Variants in C18orf63 observed in about 807,000 individuals in gnomAD.
C18orf63 encodes the protein uncharacterized protein C18orf63.
In C18orf63, 50 loss-of-function variants were observed where a neutral mutation model predicts 75.3. The ratio of observed to expected loss-of-function variants is 0.66; its 90% CI spans 0.53 to 0.84. The LOEUF is 0.84. Ranked by LOEUF, C18orf63 falls within the 40% of genes least tolerant of loss-of-function variation. C18orf63 has a pLI of 0.00. For synonymous variants in C18orf63, 232 were observed against 267.6 expected, an observed-to-expected ratio of 0.87 and a Z score of 1.30; for missense variants, 732 against 800.2, an observed-to-expected ratio of 0.91 and a Z score of 1.03.
chr18:74,317,197 T>A (rs1318335988), intron 1 of C18orf63, among the ~76,000 whole-genome samples: 1 of 152,256 alleles, frequency 6.6e-6, no homozygotes, highest in African/African-American at 2.4e-5. Flanking sequence ...CATGTTAGTG[T>A]ACTGAAGCTT....
chr18:74,338,602 C>A lies in C18orf63; in HGVS notation c.502-113C>A, dbSNP rs1366587834. On this transcript the variant is annotated intron_variant, in intron 7 of 13. Coordinates refer to ENST00000579455, the MANE Select transcript of C18orf63 (RefSeq NM_001174123.2). Reference sequence around the variant, plus strand: ...ATGCATGATTCAATGTAACTTAAGTCTTTAAATCTACTTTATAACCTACTG... The same window carrying A: ...ATGCATGATTCAATGTAACTTAAGTATTTAAATCTACTTTATAACCTACTG... 3 of 437,296 alleles carry A rather than the reference C, an allele frequency of 6.9e-6. No individual in the cohort carries two copies. The South Asian group carries it at 2.4e-4, about 35-fold the overall frequency. 27.1% of individuals were successfully genotyped at this position (437,296 alleles called of 1,614,324 possible).
chr18:74,350,761 T>G (rs1464559657), intron 11 of C18orf63, among the ~76,000 whole-genome samples: 1 of 152,198 alleles, frequency 6.6e-6, no homozygotes, highest in Non-Finnish European at 1.5e-5. Flanking sequence ...GTCATGAAAC[T>G]TAGCTGGGTT....
At chr18:74,345,590 A>G (rs1343598866) in intron 11 of C18orf63, among the ~76,000 whole-genome samples, 3 of 152,052 alleles carry the variant, frequency 2.0e-5, no homozygotes, top group Non-Finnish European at 4.4e-5. Context: ...TTTAATATGG[A>G]TATCCATATG....
intron 8 of C18orf63, among the ~76,000 whole-genome samples, chr18:74,341,147 C>T (rs1203140603): frequency 6.6e-6 from 1 of 151,202 alleles, no homozygotes. Flanking sequence ...GCCTGTAGTC[C>T]CAGCTACTTG....
At position 74,354,021 on chromosome 18, in the gene C18orf63, A is replaced by G; in HGVS notation, c.1754A>G (p.His585Arg). 1.3e-6 allele frequency: 2 copies of G among 1,536,474 alleles called. No homozygotes were observed. The highest frequency in any genetic ancestry group is 1.7e-6 in the Non-Finnish European group (2 of 1,146,944). ...KGITQILGKSHGSLKLKRQPH... is the reference protein window; with the variant it reads ...KGITQILGKSRGSLKLKRQPH... ...ATAACACAAATTTTAGGGAAAAGCC[A>G]TGGGTCACTAAAACTGAAAAGACAG... The change falls in exon 12 of 14, where the codon CAT (histidine) becomes CGT (arginine). Residue 585 changes from histidine to arginine, a missense_variant. Transcript: ENST00000579455.
intron 8 of C18orf63, among the ~76,000 whole-genome samples, chr18:74,340,369 G>T (rs1984460771): frequency 6.6e-6 from 1 of 152,136 alleles, no homozygotes; most frequent in Admixed American, 6.6e-5. Flanking sequence ...TACTGGCAAG[G>T]ATGTGGGGAA....
chr18:74,348,645 A>G (rs992450334), intron 11 of C18orf63, among the ~76,000 whole-genome samples: 1 of 118,168 alleles, frequency 8.5e-6, no homozygotes, highest in African/African-American at 2.6e-5. Context: ...GCATTTGCCA[A>G]TGACACTTGG....
chr18:74,317,353 A>G (rs1158225292), intron 1 of C18orf63, among the ~76,000 whole-genome samples: 1 of 152,234 alleles, frequency 6.6e-6, no homozygotes, highest in Non-Finnish European at 1.5e-5. Context: ...GGAAACAAAA[A>G]CTAGGTAACA....
intron 8 of C18orf63, among the ~76,000 whole-genome samples, chr18:74,339,509 T>C (rs1259873394): frequency 6.6e-6 from 1 of 152,142 alleles, no homozygotes. Flanking sequence ...ATAAAGGCCA[T>C]ATATGACAAA....
chr18:74,320,624 A>G (rs1285259981), intron 3 of C18orf63, 33 bp downstream of exon 3: 3 of 1,259,590 alleles, frequency 2.4e-6, no homozygotes, highest in Admixed American at 2.0e-5. Context: ...AAATGTTATT[A>G]CTAGTTGAGA....
chr18:74,331,409 T>C (rs2145120630), intron 7 of C18orf63, among the ~76,000 whole-genome samples: 1 of 152,354 alleles, frequency 6.6e-6, no homozygotes, highest in Admixed American at 6.5e-5. Flanking sequence ...ATTTTGTGGA[T>C]TCCCATAGCA....
At chr18:74,344,409 A>G (rs1984538138) in intron 11 of C18orf63, among the ~76,000 whole-genome samples, 1 of 148,416 alleles carries the variant, frequency 6.7e-6, no homozygotes, top group Non-Finnish European at 1.5e-5. Context: ...GTGACATATG[A>G]CACACATATA....
chr18:74,334,025 C>T (rs1984352582), intron 7 of C18orf63, among the ~76,000 whole-genome samples: 1 of 152,076 alleles, frequency 6.6e-6, no homozygotes, highest in African/African-American at 2.4e-5. Flanking sequence ...CCTATGTTCC[C>T]ACTAAATTGT....
At chr18:74,327,558 C>A (rs997720195) in intron 4 of C18orf63, among the ~76,000 whole-genome samples, 1 of 152,174 alleles carries the variant, frequency 6.6e-6, no homozygotes, top group African/African-American at 2.4e-5. Flanking sequence ...AGCAGCCCAA[C>A]GTTCAGTTTG....
intron 3 of C18orf63, among the ~76,000 whole-genome samples, chr18:74,321,016 C>G (rs1292322209): frequency 6.6e-6 from 1 of 152,092 alleles, no homozygotes; most frequent in African/African-American, 2.4e-5. Context: ...TATTTTTACA[C>G]TTAAAATTTT....
At chr18:74,330,411 A>T (rs1984285066) in intron 6 of C18orf63, among the ~76,000 whole-genome samples, 1 of 152,164 alleles carries the variant, frequency 6.6e-6, no homozygotes, top group Non-Finnish European at 1.5e-5. Context: ...TAAAGACTTC[A>T]AGGCTCTAGG....
intron 2 of C18orf63, among the ~76,000 whole-genome samples, chr18:74,319,900 G>A (rs1279889787): frequency 6.6e-6 from 1 of 152,126 alleles, no homozygotes; most frequent in Non-Finnish European, 1.5e-5. Context: ...TTCAGATGCG[G>A]GGACAAGTTC....
At chr18:74,355,561 G>C (rs1984750855) in intron 13 of C18orf63, among the ~76,000 whole-genome samples, 1 of 151,888 alleles carries the variant, frequency 6.6e-6, no homozygotes, top group Admixed American at 6.6e-5. Context: ...CAGGCAGATT[G>C]CTTGAGCTCA....
rs950868036 is a variant in C18orf63, at chr18:74,357,344, G to A, written c.*897G>A. 2 of 152,054 alleles carry A rather than the reference G, an allele frequency of 1.3e-5. No homozygotes were observed. Among genetic ancestry groups the A allele is most frequent in the Non-Finnish European group, 2.9e-5 (2 of 68,016 alleles). 9.4% of individuals were successfully genotyped at this position (152,054 alleles called of 1,614,324 possible). A position where few individuals can be genotyped will look rare whatever the true frequency, so the allele number is the denominator to read the frequency against. On this transcript the variant is annotated 3_prime_UTR_variant, in exon 14 of 14. Coordinates refer to ENST00000579455, the MANE Select transcript of C18orf63 (RefSeq NM_001174123.2). ...GTTCCTGGCACAGACTTAGGGATATGTATGTATTGAAGCATATGTCCAGAA... is the reference window on the plus strand; with the variant it reads ...GTTCCTGGCACAGACTTAGGGATATATATGTATTGAAGCATATGTCCAGAA...
Sources: allele counts gnomAD v4.1 joint callset (sites outside exome capture counted in the v4.1 genomes callset), GRCh38; gene constraint gnomAD v4.1.1; transcripts MANE v1.5; gene names NCBI Gene and HGNC (gene_info 2026-07-23, HGNC 2026-07-21).